Variants in FHIT observed in about 807,000 individuals in gnomAD.
FHIT encodes bis(5'-adenosyl)-triphosphatase.
FHIT carries 19 observed loss-of-function variants against 17.9 expected under a neutral mutation model. The observed-to-expected ratio is 1.06, with a 90% confidence interval of 0.74 to 1.56. FHIT has a LOEUF of 1.56. Among genes scored for constraint, FHIT ranks in the 40% most tolerant of loss-of-function variants. The probability of loss-of-function intolerance (pLI) is 0.00; values close to 1 mark genes in which losing one functional copy is unlikely to be tolerated. For missense variants in FHIT, 248 were observed against 189.2 expected (o/e 1.31, Z -1.82); for synonymous variants, 81 against 69.7 (o/e 1.16, Z -0.81).
intron 2 of FHIT, among the ~76,000 whole-genome samples, chr3:61,139,281 G>A (rs557815616): frequency 1.2e-4 from 18 of 152,036 alleles, no homozygotes; most frequent in African/African-American, 3.9e-4. Context: ...TGCCCGCCTC[G>A]GCCTCCTAAA....
chr3:59,830,139 T>C (rs1005755949), intron 8 of FHIT, among the ~76,000 whole-genome samples: 3 of 152,146 alleles, frequency 2.0e-5, no homozygotes, highest in East Asian at 1.9e-4. Flanking sequence ...AACTTTGTTA[T>C]GCTGGGAAGA....
intron 8 of FHIT, among the ~76,000 whole-genome samples, chr3:59,870,068 G>C (rs373798005): frequency 2.6e-5 from 4 of 152,130 alleles, no homozygotes; most frequent in African/African-American, 9.7e-5. Context: ...AACTGAGATA[G>C]AGTTCAAAGA....
At chr3:60,515,495 C>T (rs1427056131) in intron 5 of FHIT, among the ~76,000 whole-genome samples, 1 of 151,514 alleles carries the variant, frequency 6.6e-6, no homozygotes, top group Non-Finnish European at 1.5e-5. Context: ...GAACTAACCA[C>T]ACAATTAAGA....
chr3:59,880,264 G>A (rs1703353644), intron 8 of FHIT, among the ~76,000 whole-genome samples: 2 of 152,116 alleles, frequency 1.3e-5, no homozygotes, highest in Non-Finnish European at 2.9e-5. Context: ...AAGACCTTGT[G>A]CCTGCTCTTC....
At chr3:60,099,479 A>C (rs1373615857) in intron 5 of FHIT, among the ~76,000 whole-genome samples, 3 of 152,274 alleles carry the variant, frequency 2.0e-5, no homozygotes, top group South Asian at 2.1e-4. Flanking sequence ...TGACCCAATC[A>C]GTAGGACTTT....
At chr3:60,659,872 T>C (rs1450516343) in intron 4 of FHIT, among the ~76,000 whole-genome samples, 1 of 152,162 alleles carries the variant, frequency 6.6e-6, no homozygotes, top group Non-Finnish European at 1.5e-5. Context: ...AAACCGGACA[T>C]TGAAATAAAA....
At chr3:60,339,608 C>T (rs1233574033) in intron 5 of FHIT, among the ~76,000 whole-genome samples, 1 of 152,142 alleles carries the variant, frequency 6.6e-6, no homozygotes, top group Admixed American at 6.6e-5. Context: ...TTATTTCCTG[C>T]CTCAGAAAGA....
At chr3:60,656,431 TG>T (rs1553689586) in intron 4 of FHIT, among the ~76,000 whole-genome samples, 1 of 152,214 alleles carries the variant, frequency 6.6e-6, no homozygotes, top group African/African-American at 2.4e-5. Context: ...AAGGCTAACC[TG>T]CTACCATGGG....
intron 5 of FHIT, among the ~76,000 whole-genome samples, chr3:60,261,844 T>C (rs1706321156): frequency 6.6e-6 from 1 of 151,874 alleles, no homozygotes; most frequent in Admixed American, 6.6e-5. Flanking sequence ...ATTTCAGAGG[T>C]TCTCTCACTG....
chr3:59,767,777 TGAA>T (rs954843023), intron 8 of FHIT, among the ~76,000 whole-genome samples: 1 of 152,182 alleles, frequency 6.6e-6, no homozygotes, highest in Admixed American at 6.5e-5. Context: ...CATTTTTAGA[TGAA>T]GAAGTTAAGG....
chr3:60,309,080 A>T (rs1229129463), intron 5 of FHIT, among the ~76,000 whole-genome samples: 1 of 152,132 alleles, frequency 6.6e-6, no homozygotes, highest in African/African-American at 2.4e-5. Context: ...GATAATTGAC[A>T]GTTGTTTCCC....
At chr3:61,217,131 A>T (rs1449438193) in intron 1 of FHIT, among the ~76,000 whole-genome samples, 1 of 152,132 alleles carries the variant, frequency 6.6e-6, no homozygotes, top group African/African-American at 2.4e-5. Context: ...GTACCCTAAA[A>T]CTTAAAGTAT....
chr3:60,787,263 T>A (rs1700615374), intron 4 of FHIT, among the ~76,000 whole-genome samples: 1 of 152,172 alleles, frequency 6.6e-6, no homozygotes, highest in South Asian at 2.1e-4. Flanking sequence ...GGAAAACAAA[T>A]TAGCATAAAA....
At chr3:60,236,046 C>G (rs1276704800) in intron 5 of FHIT, among the ~76,000 whole-genome samples, 1 of 151,918 alleles carries the variant, frequency 6.6e-6, no homozygotes, top group African/African-American at 2.4e-5. Flanking sequence ...ACGTAGTTCT[C>G]ACACCTCAAG....
At chr3:60,874,322 G>A (rs1704546399) in intron 3 of FHIT, among the ~76,000 whole-genome samples, 1 of 152,158 alleles carries the variant, frequency 6.6e-6, no homozygotes, top group Non-Finnish European at 1.5e-5. Context: ...TTCTGAAAAG[G>A]CTGTGTGCAT....
chr3:59,802,576 G>A (rs1054712268), intron 8 of FHIT, among the ~76,000 whole-genome samples: 2 of 151,662 alleles, frequency 1.3e-5, no homozygotes, highest in Non-Finnish European at 2.9e-5. Context: ...CCCTTTGACT[G>A]TGATTTTCCA....
At chr3:60,411,461 T>C (rs1427034909) in intron 5 of FHIT, among the ~76,000 whole-genome samples, 1 of 152,110 alleles carries the variant, frequency 6.6e-6, no homozygotes, top group African/African-American at 2.4e-5. Context: ...AAAAAGCCAT[T>C]TACAAAACAT....
intron 5 of FHIT, among the ~76,000 whole-genome samples, chr3:60,421,879 A>G (rs1194011367): frequency 6.6e-6 from 1 of 152,158 alleles, no homozygotes; most frequent in Non-Finnish European, 1.5e-5. Flanking sequence ...GCATACTTCC[A>G]ACGGAAGCAG....
At chr3:60,570,640 C>T (rs2037342476) in intron 4 of FHIT, among the ~76,000 whole-genome samples, 1 of 149,962 alleles carries the variant, frequency 6.7e-6, no homozygotes, top group Non-Finnish European at 1.5e-5. Context: ...CATAATACAG[C>T]AATTATCACC....
Sources: gnomAD v4.1 joint callset for allele counts (sites outside exome capture counted in the v4.1 genomes callset) on GRCh38, gnomAD v4.1.1 for gene constraint, MANE v1.5 for transcripts, NCBI Gene and HGNC (gene_info 2026-07-23, HGNC 2026-07-21) for gene names.